Variants in GNB1 observed in about 807,000 individuals in gnomAD.
GNB1 encodes the protein guanine nucleotide-binding protein G(I)/G(S)/G(T) subunit beta-1.
GNB1 carries 2 observed loss-of-function variants against 42.9 expected under a neutral mutation model. The ratio of observed to expected loss-of-function variants is 0.05; its 90% CI spans 0.02 to 0.15. The LOEUF is 0.15. Among genes scored for constraint, GNB1 ranks in the 10% least tolerant of loss-of-function variants. The pLI is 1.00. For missense variants in GNB1, 193 were observed against 462.2 expected, an observed-to-expected ratio of 0.42 and a Z score of 5.34; for synonymous variants, 183 against 174.7, an observed-to-expected ratio of 1.05 and a Z score of -0.38.
intron 2 of GNB1, among the ~76,000 whole-genome samples, chr1:1,836,889 G>T (rs1475348093): frequency 2.7e-5 from 4 of 147,682 alleles, no homozygotes; most frequent in African/African-American, 1.0e-4. Context: ...AGAGACAGGG[G>T]TCTCACTTTA....
At chr1:1,795,207 G>A (rs1477877781) in intron 7 of GNB1, among the ~76,000 whole-genome samples, 3 of 152,112 alleles carry the variant, frequency 2.0e-5, no homozygotes, top group African/African-American at 4.8e-5. Context: ...GCTTGCTGTC[G>A]TGCCCCGCAG....
intron 1 of GNB1, among the ~76,000 whole-genome samples, chr1:1,882,426 C>CAAAAAAA (rs5772052): frequency 3.4e-4 from 24 of 71,596 alleles, no homozygotes; most frequent in African/African-American, 9.6e-4. Context: ...GACTCCAACT[C>CAAAAAAA]AAAAAAAAAA....
intron 1 of GNB1, among the ~76,000 whole-genome samples, chr1:1,873,165 G>A (rs1288293978): frequency 6.6e-6 from 1 of 152,192 alleles, no homozygotes; most frequent in African/African-American, 2.4e-5. Context: ...CTCCCAAAGG[G>A]CTGGGATTAC....
chr1:1,836,178 CA>C (rs1196122858), intron 2 of GNB1, among the ~76,000 whole-genome samples: 1 of 151,992 alleles, frequency 6.6e-6, no homozygotes, highest in East Asian at 1.9e-4. Context: ...ATCCTATAAG[CA>C]ATGTGGAGAG....
intron 4 of GNB1, among the ~76,000 whole-genome samples, chr1:1,816,435 C>T (rs950002204): frequency 5.9e-5 from 9 of 152,094 alleles, no homozygotes; most frequent in African/African-American, 1.9e-4. Context: ...GTTTTAAAAA[C>T]GGACAGTCCA....
intron 1 of GNB1, among the ~76,000 whole-genome samples, chr1:1,860,091 G>A (rs1185335735): frequency 1.3e-5 from 2 of 152,104 alleles, no homozygotes; most frequent in African/African-American, 4.8e-5. Context: ...GTAAAAAATA[G>A]CAACCATAAA....
intron 5 of GNB1, among the ~76,000 whole-genome samples, chr1:1,811,335 G>A (rs1048708842): frequency 6.6e-6 from 1 of 151,980 alleles, no homozygotes; most frequent in Non-Finnish European, 1.5e-5. Context: ...CGATCCACCT[G>A]ACTTGGCCTC....
In GNB1 at chr1:1,790,396, C is replaced by T. The variant is rs1365546650; in HGVS notation, c.698G>A (p.Cys233Tyr). Residue 233 changes from cysteine to tyrosine, a missense_variant and splice_region_variant, in exon 9 of 12, where the codon TGC (cysteine) becomes TAC (tyrosine). By Grantham distance (194) the Cys-to-Tyr change is radical. Coordinates refer to ENST00000378609, the MANE Select transcript of GNB1 (RefSeq NM_002074.5). The surrounding 1 kb of genome is among the most constrained non-coding windows in gnomAD (Gnocchi z 5.4). ...TGHESDINAI[C>Y]FFPNGNAFAT... is the part of the protein sequence containing the mutation. Reference sequence around the variant, plus strand: ...CCCCACACCTCCACCCAGACTCACGCAAATGGCATTGATGTCAGACTCGTG... The same window carrying T: ...CCCCACACCTCCACCCAGACTCACGTAAATGGCATTGATGTCAGACTCGTG... The T allele has an allele frequency of 9.3e-6, 15 of 1,610,042 alleles. No homozygotes were observed. The highest frequency in any genetic ancestry group is 1.3e-5 in the Non-Finnish European group (15 of 1,176,274).
chr1:1,786,762 T>C lies in GNB1; in HGVS notation c.*301A>G, dbSNP rs1646412119. 1 of 152,310 alleles carries C rather than the reference T, an allele frequency of 6.6e-6. No homozygotes were observed. Among genetic ancestry groups the C allele is most frequent in the Admixed American group, 6.5e-5 (1 of 15,268 alleles). The allele number at this position is 152,310 out of a possible 1,614,324, so 9.4% of individuals were successfully genotyped here. A position where few individuals can be genotyped will look rare whatever the true frequency, so the allele number is the denominator to read the frequency against. On this transcript the variant is annotated 3_prime_UTR_variant, in exon 12 of 12. Transcript: ENST00000378609. ...ATTACACTCAAGTTTACCTTCTGGT[T>C]AACATTTTTATTATATATTTCCTTT...
intron 1 of GNB1, among the ~76,000 whole-genome samples, chr1:1,842,168 C>T (rs565685622): frequency 1.8e-4 from 27 of 152,298 alleles, no homozygotes; most frequent in East Asian, 1.3e-3. Context: ...CGGTGGCTCA[C>T]GCCTGTAATC....
At chr1:1,807,325 A>G (rs957416396) in intron 5 of GNB1, among the ~76,000 whole-genome samples, 2 of 151,770 alleles carry the variant, frequency 1.3e-5, no homozygotes, top group Admixed American at 1.3e-4. Flanking sequence ...ATAGCTGGGT[A>G]TGGTAGTGCA....
intron 1 of GNB1, among the ~76,000 whole-genome samples, chr1:1,878,757 G>C (rs1649683942): frequency 6.6e-6 from 1 of 152,020 alleles, no homozygotes; most frequent in African/African-American, 2.4e-5. Context: ...CCCTTTATGG[G>C]CGCTGCCCTC....
At chr1:1,799,862 A>G (rs978434529) in intron 7 of GNB1, among the ~76,000 whole-genome samples, 3 of 152,234 alleles carry the variant, frequency 2.0e-5, no homozygotes, top group Non-Finnish European at 4.4e-5. Flanking sequence ...CACAGCCAGA[A>G]AGCGAAAGGA....
In GNB1 at chr1:1,793,229, C is replaced by A; in HGVS notation, c.497+16G>T. 1 of 1,588,204 alleles carries A rather than the reference C, an allele frequency of 6.3e-7. No individual in the cohort carries two copies. The highest frequency in any genetic ancestry group is 8.6e-7 in the Non-Finnish European group (1 of 1,157,904). ...TGGGTTCTCAAGGCACTGCCTGCCC[C>A]GGGTCAGGTACTTACCACGTGGTGT... On this transcript the variant is annotated intron_variant, in intron 8 of 11. Transcript: ENST00000378609.
chr1:1,858,350 AT>A (rs548745381), intron 1 of GNB1, among the ~76,000 whole-genome samples: 8 of 151,882 alleles, frequency 5.3e-5, no homozygotes, highest in African/African-American at 1.9e-4. Context: ...TAACTATTTT[AT>A]TTTTTTTCAA....
chr1:1,798,510 T>G (rs1446212704), intron 7 of GNB1, among the ~76,000 whole-genome samples: 2 of 152,362 alleles, frequency 1.3e-5, no homozygotes, highest in Non-Finnish European at 2.9e-5. Flanking sequence ...CATGAAGGCC[T>G]TAGGCTGGAC....
At chr1:1,847,740 A>C (rs1488031063) in intron 1 of GNB1, among the ~76,000 whole-genome samples, 1 of 152,010 alleles carries the variant, frequency 6.6e-6, no homozygotes, top group African/African-American at 2.4e-5. Context: ...GATTTACGAG[A>C]GCCAGACGAG....
At chr1:1,838,221 T>C (rs1647177548) in intron 2 of GNB1, among the ~76,000 whole-genome samples, 2 of 151,894 alleles carry the variant, frequency 1.3e-5, no homozygotes, top group Admixed American at 6.6e-5. Context: ...AAAAAGAATA[T>C]CCAATTGTTC....
chr1:1,888,467 T>C (rs1330492038), intron 1 of GNB1, among the ~76,000 whole-genome samples: 1 of 151,916 alleles, frequency 6.6e-6, no homozygotes, highest in Non-Finnish European at 1.5e-5. Flanking sequence ...AGTCCAGCCT[T>C]CCCCCAGGGT....
Sources: allele counts gnomAD v4.1 joint callset (sites outside exome capture counted in the v4.1 genomes callset), GRCh38; gene constraint gnomAD v4.1.1; non-coding constraint Gnocchi (gnomAD v3.1); transcripts MANE v1.5; gene names NCBI Gene and HGNC (gene_info 2026-07-23, HGNC 2026-07-21).